ROBO2: variants seen among roughly 807,000 people sequenced by gnomAD.
ROBO2 encodes the protein roundabout homolog 2.
In ROBO2, 53 loss-of-function variants were observed where a neutral mutation model predicts 160.8. The ratio of observed to expected loss-of-function variants is 0.33; its 90% confidence interval spans 0.26 to 0.41. The LOEUF is 0.41. Among genes scored for constraint, ROBO2 ranks in the 10% least tolerant of loss-of-function variants. The pLI is 1.00. For synonymous variants in ROBO2, 664 were observed against 611.7 expected, an observed-to-expected ratio of 1.09 and a Z score of -1.26; for missense variants, 1,577 against 1,722.4, an observed-to-expected ratio of 0.92 and a Z score of 1.49.
intron 2 of ROBO2, among the ~76,000 whole-genome samples, chr3:76,027,901 A>G (rs1311278613): frequency 1.3e-5 from 2 of 152,014 alleles, no homozygotes; most frequent in Non-Finnish European, 2.9e-5. Context: ...TACTTTAGAC[A>G]GATGAGGGTA....
At chr3:77,644,873 C>T in exon 25 of ROBO2, 38 of 1,613,948 alleles carry the variant, frequency 2.4e-5, no homozygotes, top group Non-Finnish European at 3.1e-5. Context: ...ATATGGGCTC[C>T]AACAGTCAAG....
intron 2 of ROBO2, among the ~76,000 whole-genome samples, chr3:76,963,844 A>G (rs1577886563): frequency 1.3e-5 from 2 of 150,858 alleles, no homozygotes; most frequent in East Asian, 1.9e-4. Flanking sequence ...TGCAAAAAAA[A>G]AAAAAGAAAA....
intron 2 of ROBO2, among the ~76,000 whole-genome samples, chr3:76,399,495 C>T (rs542620956): frequency 4.5e-4 from 69 of 151,836 alleles, no homozygotes; most frequent in Admixed American, 1.6e-3. Flanking sequence ...TGCTTTAGTA[C>T]CCCTAAGAGC....
chr3:77,477,184 A>C (rs543935451), intron 2 of ROBO2, among the ~76,000 whole-genome samples: 1 of 152,254 alleles, frequency 6.6e-6, no homozygotes, highest in African/African-American at 2.4e-5. Flanking sequence ...TTTCATTTTT[A>C]AAGTTGAATT....
chr3:76,403,895 G>T (rs1370659892), intron 2 of ROBO2, among the ~76,000 whole-genome samples: 1 of 151,580 alleles, frequency 6.6e-6, no homozygotes, highest in Non-Finnish European at 1.5e-5. Flanking sequence ...TTAAGAAACA[G>T]CTTAGTACTT....
chr3:75,935,622 T>G (rs1368169478), intron 1 of ROBO2, among the ~76,000 whole-genome samples: 1 of 152,228 alleles, frequency 6.6e-6, no homozygotes, highest in Non-Finnish European at 1.5e-5. Flanking sequence ...TATGTTCAAC[T>G]TGGGAAAGGC....
chr3:75,984,611 C>G (rs1576380454), intron 2 of ROBO2, among the ~76,000 whole-genome samples: 1 of 151,478 alleles, frequency 6.6e-6, no homozygotes, highest in South Asian at 2.1e-4. Context: ...AATAACAATA[C>G]AAATTAAAAA....
intron 2 of ROBO2, among the ~76,000 whole-genome samples, chr3:76,538,196 A>T (rs567643309): frequency 2.0e-4 from 30 of 151,662 alleles, no homozygotes; most frequent in African/African-American, 7.0e-4. Flanking sequence ...ATATTCATAC[A>T]CATGTGGGCA....
chr3:75,925,413 TA>T (rs1490362751), intron 1 of ROBO2, among the ~76,000 whole-genome samples: 1 of 151,988 alleles, frequency 6.6e-6, no homozygotes, highest in Non-Finnish European at 1.5e-5. Context: ...GATAAATAAA[TA>T]AAAGGGGAGG....
At chr3:77,138,772 T>C (rs1285868968) in intron 2 of ROBO2, among the ~76,000 whole-genome samples, 1 of 152,164 alleles carries the variant, frequency 6.6e-6, no homozygotes, top group African/African-American at 2.4e-5. Context: ...TAATTTAAAG[T>C]GGCCAGAAGC....
intron 6 of ROBO2, among the ~76,000 whole-genome samples, chr3:77,524,256 A>G (rs1441200430): frequency 2.0e-5 from 3 of 147,924 alleles, no homozygotes; most frequent in Non-Finnish European, 4.5e-5. Flanking sequence ...AACAGGTCAT[A>G]AAGGACTATG....
At chr3:76,237,739 T>A (rs968159640) in intron 2 of ROBO2, among the ~76,000 whole-genome samples, 4 of 151,894 alleles carry the variant, frequency 2.6e-5, no homozygotes, top group African/African-American at 9.7e-5. Flanking sequence ...AGGAAAAAAA[T>A]AAATAAATAT....
rs899973337 is a variant in ROBO2 at position 76,099,365 on chromosome 3, T to G, written c.109+161763T>G. 2.0e-5 allele frequency among the ~76,000 whole-genome samples: 3 copies of G among 151,096 alleles called. No individual in the cohort carries two copies. In the Admixed American group the frequency reaches 2.0e-4, roughly 10 times the overall value. On this transcript the variant is annotated intron_variant, in intron 2 of 26. Transcript: ENST00000487694. Reference sequence around the variant, plus strand: ...CTTGACTTCTAAGCACCCATTATGTTTTAAGTGAAGAGCATAGATCTGCAT... The same window carrying G: ...CTTGACTTCTAAGCACCCATTATGTGTTAAGTGAAGAGCATAGATCTGCAT...
chr3:76,936,291 G>A (rs1160137852), intron 2 of ROBO2, among the ~76,000 whole-genome samples: 1 of 151,958 alleles, frequency 6.6e-6, no homozygotes, highest in East Asian at 1.9e-4. Context: ...CCAATAATGT[G>A]AAGATCTATA....
chr3:76,163,692 A>G (rs2072724907), intron 2 of ROBO2, among the ~76,000 whole-genome samples: 1 of 152,056 alleles, frequency 6.6e-6, no homozygotes. Flanking sequence ...AATGTTTACA[A>G]TATACTACAG....
intron 2 of ROBO2, among the ~76,000 whole-genome samples, chr3:76,999,488 C>A (rs1282226152): frequency 1.3e-5 from 2 of 152,090 alleles, no homozygotes; most frequent in African/African-American, 4.8e-5. Context: ...AGAACAGAGT[C>A]AAATTCTTTT....
At chr3:76,773,998 C>T (rs895018575) in intron 2 of ROBO2, among the ~76,000 whole-genome samples, 5 of 150,826 alleles carry the variant, frequency 3.3e-5, no homozygotes, top group Admixed American at 1.3e-4. Flanking sequence ...TAGACTGCTA[C>T]AAATATGCTC....
At chr3:76,079,592 T>C (rs1036249986) in intron 2 of ROBO2, among the ~76,000 whole-genome samples, 14 of 151,460 alleles carry the variant, frequency 9.2e-5, no homozygotes, top group African/African-American at 3.4e-4. Flanking sequence ...CAAGCAATTC[T>C]CCCACCTCAG....
At chr3:76,591,741 A>G (rs2086430554) in intron 2 of ROBO2, among the ~76,000 whole-genome samples, 1 of 152,166 alleles carries the variant, frequency 6.6e-6, no homozygotes, top group Non-Finnish European at 1.5e-5. Flanking sequence ...ATTTTCTCTG[A>G]CTAAACATTG....
Sources: gnomAD v4.1 joint callset for allele counts (sites outside exome capture counted in the v4.1 genomes callset) on GRCh38, gnomAD v4.1.1 for gene constraint, MANE v1.5 for transcripts, NCBI Gene and HGNC (gene_info 2026-07-23, HGNC 2026-07-21) for gene names.